Variants in SND1 observed in about 807,000 individuals in gnomAD.
The protein encoded by SND1 is staphylococcal nuclease and tudor domain containing 1, also known as staphylococcal nuclease domain-containing protein 1.
Under a neutral mutation model 121.7 loss-of-function variants are expected in SND1, and 38 were observed. The observed-to-expected ratio is 0.31, with a 90% CI of 0.24 to 0.41. The LOEUF is 0.41. Ranked by LOEUF, SND1 falls within the 10% of genes least tolerant of loss-of-function variation. The probability of loss-of-function intolerance (pLI) is 1.00; values close to 1 mark genes in which losing one functional copy is unlikely to be tolerated. For missense variants in SND1, 868 were observed against 1,184.6 expected, an observed-to-expected ratio of 0.73 and a Z score of 3.92; for synonymous variants, 401 against 447.4, an observed-to-expected ratio of 0.90 and a Z score of 1.31.
At chr7:127,731,222 C>T (rs1428718987) in intron 10 of SND1, among the ~76,000 whole-genome samples, 2 of 152,238 alleles carry the variant, frequency 1.3e-5, no homozygotes, top group African/African-American at 4.8e-5. Context: ...CATACCGCAG[C>T]TGCTGTGAGC....
chr7:127,957,501 A>G (rs950459212), intron 15 of SND1, among the ~76,000 whole-genome samples: 2 of 152,126 alleles, frequency 1.3e-5, no homozygotes, highest in South Asian at 4.1e-4. Context: ...AGTGTCTAAC[A>G]TTGTGTTTCT....
At chr7:127,653,522 A>G (rs1238125428) in intron 1 of SND1, among the ~76,000 whole-genome samples, 1 of 152,116 alleles carries the variant, frequency 6.6e-6, no homozygotes, top group Non-Finnish European at 1.5e-5. Flanking sequence ...GAAAAATTCT[A>G]TTTTAGGCCT....
In SND1 at chr7:127,686,656, G is replaced by T. The variant is rs529278938; in HGVS notation, c.122G>T (p.Gly41Val). The part of the protein sequence containing the change: ...CAIIVRGQPR[G>V]GPPPERQINL... Reference sequence around the variant, plus strand: ...ATCATTGTCCGAGGTCAGCCTCGTGGTGGGCCTCCTCCTGAGCGGCAGATC... The same window carrying T: ...ATCATTGTCCGAGGTCAGCCTCGTGTTGGGCCTCCTCCTGAGCGGCAGATC... Residue 41 changes from glycine (G) to valine (V), a missense_variant, in exon 2 of 24, where the codon GGT becomes GTT. Gly to Val is a moderately radical substitution (Grantham distance 109, BLOSUM62 -3). Transcript: ENST00000354725. 4.3e-6 allele frequency: 7 copies of T among 1,614,116 alleles called. No individual in the cohort carries two copies. In the African/African-American group the frequency reaches 9.3e-5, roughly 22 times the overall value.
intron 11 of SND1, among the ~76,000 whole-genome samples, chr7:127,819,428 T>G (rs904917963): frequency 1.3e-5 from 2 of 152,252 alleles, no homozygotes; most frequent in Non-Finnish European, 2.9e-5. Flanking sequence ...CTTACTAAGG[T>G]ATCCAGAAAG....
rs553102234 is a variant in SND1, at chr7:127,889,592, A to G, written c.1454+1580A>G. On this transcript the variant is annotated intron_variant, in intron 13 of 23. Coordinates refer to ENST00000354725, the MANE Select transcript of SND1 (RefSeq NM_014390.4). ...TTGACTATAGTGACCCTGCTGTGTA[A>G]TCAAATACTAGGTCTTATTGATTCT... 3.9e-4 allele frequency among the ~76,000 whole-genome samples: 59 copies of G among 151,998 alleles called. 3 individuals carry two copies. The South Asian group carries it at 0.012, about 32-fold the overall frequency.
chr7:128,060,680 C>T (rs191808352), intron 16 of SND1, among the ~76,000 whole-genome samples: 4 of 152,206 alleles, frequency 2.6e-5, no homozygotes, highest in East Asian at 1.9e-4. Context: ...GCATTTACAC[C>T]GAGGGGTGGG....
At chr7:127,934,081 A>G (rs1395312655) in intron 15 of SND1, among the ~76,000 whole-genome samples, 1 of 152,192 alleles carries the variant, frequency 6.6e-6, no homozygotes, top group East Asian at 1.9e-4. Flanking sequence ...TGAGGAGGGA[A>G]TGATTATTTC....
At chr7:127,876,590 G>A (rs533729825) in intron 12 of SND1, among the ~76,000 whole-genome samples, 1 of 152,222 alleles carries the variant, frequency 6.6e-6, no homozygotes, top group Admixed American at 6.5e-5. Context: ...GAAATGCTGA[G>A]TTTTACACAA....
intron 15 of SND1, among the ~76,000 whole-genome samples, chr7:127,931,250 A>C (rs1272226503): frequency 6.6e-6 from 1 of 152,196 alleles, no homozygotes; most frequent in Non-Finnish European, 1.5e-5. Context: ...AAAGAAATTG[A>C]AGCAGCCTTA....
intron 12 of SND1, among the ~76,000 whole-genome samples, chr7:127,886,201 G>A (rs536863527): frequency 9.9e-5 from 15 of 152,050 alleles, no homozygotes; most frequent in Admixed American, 9.2e-4. Flanking sequence ...TATTAATACC[G>A]TGCTGGCAGT....
At chr7:127,854,585 GA>G (rs1799236161) in intron 12 of SND1, among the ~76,000 whole-genome samples, 2 of 133,948 alleles carry the variant, frequency 1.5e-5, no homozygotes, top group African/African-American at 5.6e-5. Flanking sequence ...TATTTATTTA[GA>G]ATAGTGCCAT....
At chr7:127,892,820 G>A (rs554941749) in intron 13 of SND1, among the ~76,000 whole-genome samples, 3 of 149,704 alleles carry the variant, frequency 2.0e-5, no homozygotes, top group Non-Finnish European at 4.4e-5. Flanking sequence ...CCGAATTTAG[G>A]TGCAGCTGAC....
intron 10 of SND1, among the ~76,000 whole-genome samples, chr7:127,731,580 A>G (rs368798704): frequency 3.7e-4 from 55 of 149,518 alleles, no homozygotes; most frequent in African/African-American, 1.1e-3. Context: ...TCCTTCCCTC[A>G]CTCCTCCCAG....
chr7:127,668,036 A>G (rs1795451034), intron 1 of SND1, among the ~76,000 whole-genome samples: 1 of 152,212 alleles, frequency 6.6e-6, no homozygotes, highest in Admixed American at 6.5e-5. Context: ...ATCATCTTTC[A>G]ATAGAAACAA....
At chr7:127,903,691 G>A (rs969805164) in intron 13 of SND1, among the ~76,000 whole-genome samples, 11 of 152,154 alleles carry the variant, frequency 7.2e-5, no homozygotes, top group Non-Finnish European at 7.3e-5. Context: ...ACTTTAGAAA[G>A]TGATGACCCT....
intron 16 of SND1, chr7:128,027,374 C>G (rs1430630693): frequency 6.6e-6 from 1 of 151,318 alleles, no homozygotes. Context: ...CCATGTGGAA[C>G]TCCATGTGTG....
intron 9 of SND1, among the ~76,000 whole-genome samples, chr7:127,707,955 T>C (rs1796230476): frequency 6.6e-6 from 1 of 152,190 alleles, no homozygotes; most frequent in East Asian, 1.9e-4. Flanking sequence ...AGATTTCCTA[T>C]GTCCAAGTAT....
intron 16 of SND1, among the ~76,000 whole-genome samples, chr7:127,995,975 C>T (rs971629167): frequency 1.3e-5 from 2 of 152,068 alleles, no homozygotes; most frequent in African/African-American, 4.8e-5. Flanking sequence ...AAAATGATGT[C>T]CTCATGCTGG....
intron 1 of SND1, among the ~76,000 whole-genome samples, chr7:127,652,801 G>A (rs1477687093): frequency 6.6e-6 from 1 of 152,164 alleles, no homozygotes; most frequent in Non-Finnish European, 1.5e-5. Flanking sequence ...TTTGACATAT[G>A]CTGAGTAGTT....
Sources: allele counts gnomAD v4.1 joint callset (sites outside exome capture counted in the v4.1 genomes callset), GRCh38; gene constraint gnomAD v4.1.1; transcripts MANE v1.5; gene names NCBI Gene and HGNC (gene_info 2026-07-23, HGNC 2026-07-21).